Variants in ITGB5 observed in about 807,000 individuals in gnomAD.
ITGB5 encodes the protein integrin beta-5.
ITGB5 carries 38 observed loss-of-function variants against 84.8 expected under a neutral mutation model. The observed-to-expected ratio is 0.45, with a 90% CI of 0.35 to 0.59. The LOEUF is 0.59. Among genes scored for constraint, ITGB5 ranks in the 20% least tolerant of loss-of-function variants. The pLI is 0.01. For missense variants in ITGB5, 905 were observed against 1,034.5 expected, an observed-to-expected ratio of 0.87 and a Z score of 1.72; for synonymous variants, 393 against 414.4, an observed-to-expected ratio of 0.95 and a Z score of 0.63.
chr3:124,816,136 A>G (rs2064587399), intron 8 of ITGB5, among the ~76,000 whole-genome samples: 2 of 152,174 alleles, frequency 1.3e-5, no homozygotes, highest in South Asian at 4.2e-4. Context: ...AAGGGGGTAA[A>G]AACAAGCCAA....
chr3:124,843,986 T>C (rs918575397), intron 4 of ITGB5, among the ~76,000 whole-genome samples: 2 of 151,940 alleles, frequency 1.3e-5, no homozygotes, highest in Non-Finnish European at 2.9e-5. Context: ...GAGAATATCA[T>C]GGATCAAGCT....
At chr3:124,876,674 G>A in intron 1 of ITGB5, among the ~76,000 whole-genome samples, 1 of 152,214 alleles carries the variant, frequency 6.6e-6, no homozygotes, top group Non-Finnish European at 1.5e-5. Flanking sequence ...CACAGGGGGT[G>A]AGAACAAAGG....
chr3:124,873,422 TCCTCC>T lies in ITGB5; in HGVS notation c.156+19_156+23del. ...ACCCTCGCAGCATTCCTTCCCTTCT[TCCTCC>T]CCTCCCCCACCTACATACCTCTTTG... On this transcript the variant is annotated intron_variant, in intron 2 of 14. Coordinates refer to ENST00000296181, the MANE Select transcript of ITGB5 (RefSeq NM_002213.5). 6.5e-7 allele frequency: 1 copy of T among 1,544,752 alleles called. No homozygotes were observed. Among genetic ancestry groups the T allele is most frequent in the Non-Finnish European group, 9.0e-7 (1 of 1,116,828 alleles).
At position 124,886,526 on chromosome 3, in the gene ITGB5, C is replaced by A. The variant is rs1431916512; in HGVS notation, c.70+405G>T. On this transcript the variant is annotated intron_variant, in intron 1 of 14. Coordinates refer to ENST00000296181, the MANE Select transcript of ITGB5 (RefSeq NM_002213.5). The stretch of plus-strand genomic sequence containing the variant: ...CCCTTGCTTCTCCGGGAACAGGGCA[C>A]CGACGGCATCCCCCCAGCAGCCCGC... Among the ~76,000 whole-genome samples, 10 of 152,118 alleles carry A rather than the reference C, an allele frequency of 6.6e-5. No homozygotes were observed. In the East Asian group the frequency reaches 1.7e-3, roughly 27 times the overall value.
chr3:124,876,155 C>A (rs1171020511), intron 1 of ITGB5, among the ~76,000 whole-genome samples: 1 of 151,928 alleles, frequency 6.6e-6, no homozygotes. Flanking sequence ...ATACTCTCAC[C>A]ACACAGACAC....
Position 124,833,802 on chromosome 3 carries a change from A to T in ITGB5, c.780+7581T>A, listed in dbSNP as rs540673913. ...CCCAGCAGTGTCTGGTGCTGGGAAT[A>T]TAGTCATAAGAAAAAAGACATAGTC... On this transcript the variant is annotated intron_variant, in intron 5 of 14. Coordinates refer to ENST00000296181, the MANE Select transcript of ITGB5 (RefSeq NM_002213.5). Among the ~76,000 whole-genome samples, 37 of 152,244 alleles carry T rather than the reference A, an allele frequency of 2.4e-4. 1 individual carries two copies. The highest frequency in any genetic ancestry group is 7.3e-5 in the Non-Finnish European group (5 of 68,048).
At chr3:124,847,279 C>G (rs1435184193) in intron 4 of ITGB5, among the ~76,000 whole-genome samples, 1 of 152,212 alleles carries the variant, frequency 6.6e-6, no homozygotes, top group Non-Finnish European at 1.5e-5. Context: ...CCACTCACTG[C>G]AGTCACTTGC....
chr3:124,898,666 A>G (rs77776125), intron 1 of ITGB5, among the ~76,000 whole-genome samples: 27 of 144,626 alleles, frequency 1.9e-4, no homozygotes, highest in Non-Finnish European at 3.2e-4. Context: ...AAAAAAAAAA[A>G]AAAAGAAAAT....
chr3:124,815,418 G>A (rs1400343879), intron 8 of ITGB5, among the ~76,000 whole-genome samples: 1 of 152,250 alleles, frequency 6.6e-6, no homozygotes, highest in African/African-American at 2.4e-5. Flanking sequence ...CCCCTCCGCA[G>A]AAGCCTTAAA....
intron 2 of ITGB5, among the ~76,000 whole-genome samples, chr3:124,861,495 T>TATATACACACACACACAC (rs750712591): frequency 8.9e-6 from 1 of 111,992 alleles, no homozygotes; most frequent in African/African-American, 3.8e-5. Flanking sequence ...TATATATATA[T>TATATACACACACACACAC]ACACACACAC....
intron 8 of ITGB5, among the ~76,000 whole-genome samples, chr3:124,815,281 G>A (rs896111102): frequency 1.3e-5 from 2 of 152,218 alleles, no homozygotes; most frequent in African/African-American, 2.4e-5. Flanking sequence ...GGAGCTGTGC[G>A]CCATGATGCC....
intron 10 of ITGB5, among the ~76,000 whole-genome samples, chr3:124,787,297 G>A (rs757990725): frequency 7.2e-5 from 11 of 152,080 alleles, no homozygotes; most frequent in Middle Eastern, 3.2e-3. Context: ...GGATCTGAGC[G>A]GTAAGCAAAA....
chr3:124,771,748 C>CCAAAAAAAAAAAAA (rs2063847230), intron 11 of ITGB5, among the ~76,000 whole-genome samples: 1 of 69,184 alleles, frequency 1.4e-5, no homozygotes, highest in East Asian at 4.5e-4. Flanking sequence ...GACCCTGTCT[C>CCAAAAAAAAAAAAA]AAAAAAAAAA....
In ITGB5 at chr3:124,880,576, T is replaced by A. The variant is rs75316744; in HGVS notation, c.70+6355A>T. On this transcript the variant is annotated intron_variant, in intron 1 of 14. Transcript: ENST00000296181. ...CTACAGTGGGCCATGATCACGCTAA[T>A]GCACTCCAACTTGGGTGACAGAGCG... Among the ~76,000 whole-genome samples the A allele has an allele frequency of 2.6e-3, 391 of 152,254 alleles. 2 individuals carry two copies. Among genetic ancestry groups the A allele is most frequent in the African/African-American group, 8.3e-3 (345 of 41,546 alleles).
At chr3:124,853,267 T>G (rs1202587873) in intron 3 of ITGB5, among the ~76,000 whole-genome samples, 1 of 152,216 alleles carries the variant, frequency 6.6e-6, no homozygotes, top group Non-Finnish European at 1.5e-5. Flanking sequence ...AAGGCCCTGG[T>G]GCACACATTA....
chr3:124,899,302 A>G (rs1935173593), intron 1 of ITGB5, among the ~76,000 whole-genome samples: 1 of 152,134 alleles, frequency 6.6e-6, no homozygotes, highest in Non-Finnish European at 1.5e-5. Context: ...CTTTTTACAT[A>G]GCAAAGAAAT....
chr3:124,766,098 C>T (rs2150921662), intron 13 of ITGB5, 128 bp downstream of exon 13: 1 of 904,494 alleles, frequency 1.1e-6, no homozygotes, highest in Non-Finnish European at 1.7e-6. Context: ...AATTGTATCC[C>T]TCCTCTCCCT....
intron 1 of ITGB5, among the ~76,000 whole-genome samples, chr3:124,875,082 G>T (rs975271032): frequency 6.6e-6 from 1 of 152,162 alleles, no homozygotes; most frequent in East Asian, 1.9e-4. Context: ...TACTATATGC[G>T]AGAGAATATT....
intron 12 of ITGB5, among the ~76,000 whole-genome samples, chr3:124,767,100 C>T (rs561187093): frequency 3.3e-5 from 5 of 152,260 alleles, no homozygotes; most frequent in South Asian, 4.1e-4. Context: ...AGAGGGTTAG[C>T]GGGCTGTTTT....
Sources: gnomAD v4.1 joint callset for allele counts (sites outside exome capture counted in the v4.1 genomes callset) on GRCh38, gnomAD v4.1.1 for gene constraint, MANE v1.5 for transcripts, NCBI Gene and HGNC (gene_info 2026-07-23, HGNC 2026-07-21) for gene names.